AGBL1: variants seen among roughly 807,000 people sequenced by gnomAD.
AGBL1 encodes the protein cytosolic carboxypeptidase 4.
In AGBL1, 130 loss-of-function variants were observed where a neutral mutation model predicts 118.9. The observed-to-expected ratio is 1.09, with a 90% CI of 0.95 to 1.26. AGBL1 has a LOEUF of 1.26. Ranked by LOEUF, AGBL1 falls within the 50% of genes most tolerant of loss-of-function variation. The pLI is 0.00. For missense variants in AGBL1, 1,584 were observed against 1,298.1 expected, an observed-to-expected ratio of 1.22 and a Z score of -3.38; for synonymous variants, 555 against 478.9, an observed-to-expected ratio of 1.16 and a Z score of -2.08.
intron 16 of AGBL1, among the ~76,000 whole-genome samples, chr15:86,280,251 C>G (rs572635973): frequency 6.6e-6 from 1 of 152,258 alleles, no homozygotes; most frequent in South Asian, 2.1e-4. Flanking sequence ...GCCAGCATCT[C>G]CAGTGGTTCC....
At chr15:86,679,415 G>A (rs1279932469) in intron 22 of AGBL1, among the ~76,000 whole-genome samples, 1 of 151,926 alleles carries the variant, frequency 6.6e-6, no homozygotes, top group Non-Finnish European at 1.5e-5. Flanking sequence ...AAATTTCTGG[G>A]TTATTTATAT....
At chr15:86,253,115 G>A (rs1223586356) in intron 7 of AGBL1, among the ~76,000 whole-genome samples, 3 of 152,174 alleles carry the variant, frequency 2.0e-5, no homozygotes, top group African/African-American at 7.2e-5. Flanking sequence ...GGGTGAGCTT[G>A]AGAAACACAG....
intron 21 of AGBL1, among the ~76,000 whole-genome samples, chr15:86,598,923 GTGGGCTAC>G (rs1472598847): frequency 6.6e-6 from 1 of 152,156 alleles, no homozygotes; most frequent in African/African-American, 2.4e-5. Context: ...TGAGAAAGCA[GTGGGCTAC>G]TGAATGTTTT....
intron 22 of AGBL1, among the ~76,000 whole-genome samples, chr15:86,730,709 A>G (rs1384823570): frequency 6.6e-6 from 1 of 152,124 alleles, no homozygotes; most frequent in Non-Finnish European, 1.5e-5. Flanking sequence ...TTGGAAAAAA[A>G]TAAGAATGCA....
At chr15:86,086,687 A>G (rs1895678912) in intron 1 of AGBL1, among the ~76,000 whole-genome samples, 2 of 152,192 alleles carry the variant, frequency 1.3e-5, no homozygotes, top group South Asian at 4.1e-4. Context: ...TCTATGGAGT[A>G]ACCTACAGTA....
chr15:86,937,527 C>T (rs1395615111), intron 23 of AGBL1, among the ~76,000 whole-genome samples: 1 of 152,122 alleles, frequency 6.6e-6, no homozygotes, highest in Admixed American at 6.5e-5. Context: ...GGCCATTATC[C>T]TCAGCAAATT....
At chr15:86,231,539 C>T (rs80165545) in intron 6 of AGBL1, among the ~76,000 whole-genome samples, 1,594 of 152,332 alleles carry the variant, frequency 0.01, 7 homozygotes, top group South Asian at 0.027. Context: ...TGCAGGAATG[C>T]AGCATAGCAA....
chr15:86,252,605 C>T (rs1372049215), intron 7 of AGBL1, among the ~76,000 whole-genome samples: 6 of 152,188 alleles, frequency 3.9e-5, no homozygotes, highest in Non-Finnish European at 7.4e-5. Flanking sequence ...CAGAGGAGGC[C>T]CTACTTGGTC....
At chr15:86,194,783 A>C (rs181535060) in intron 5 of AGBL1, among the ~76,000 whole-genome samples, 2 of 152,330 alleles carry the variant, frequency 1.3e-5, no homozygotes, top group East Asian at 3.9e-4. Context: ...CTGAAAATTT[A>C]CACTATGGTG....
At chr15:86,938,397 T>C (rs775413808) in intron 23 of AGBL1, among the ~76,000 whole-genome samples, 21 of 152,178 alleles carry the variant, frequency 1.4e-4, no homozygotes, top group Non-Finnish European at 2.8e-4. Flanking sequence ...TTTGACCTAA[T>C]TTGGTAGAGC....
At chr15:86,595,468 C>A (rs1567075669) in intron 21 of AGBL1, among the ~76,000 whole-genome samples, 1 of 152,120 alleles carries the variant, frequency 6.6e-6, no homozygotes, top group Non-Finnish European at 1.5e-5. Flanking sequence ...ATTTCTTGCT[C>A]TCTTATATTG....
chr15:86,234,430 A>G (rs976552200), intron 6 of AGBL1, among the ~76,000 whole-genome samples: 10 of 151,810 alleles, frequency 6.6e-5, no homozygotes, highest in African/African-American at 2.4e-4. Context: ...ATGCACTTGT[A>G]GTCCCAGCTA....
rs2079302020 is a variant in AGBL1, at chr15:86,278,900, G to A, written c.2076-739G>A. On this transcript the variant is annotated intron_variant, in intron 15 of 22. Coordinates refer to ENST00000614907, the MANE Select transcript of AGBL1 (RefSeq NM_001386094.1). ...AAATTGGTTCTTCATCTTTGACAAA[G>A]GAAAATGTGCACTCTCAAGCCTTAC... is the stretch of plus-strand genomic sequence containing the variant. Among the ~76,000 whole-genome samples, 3 of 152,302 alleles carry A rather than the reference G, an allele frequency of 2.0e-5. No homozygotes were observed. The South Asian group carries it at 6.2e-4, about 32-fold the overall frequency.
intron 21 of AGBL1, among the ~76,000 whole-genome samples, chr15:86,673,705 A>G (rs900632813): frequency 1.3e-5 from 2 of 152,176 alleles, no homozygotes; most frequent in Non-Finnish European, 2.9e-5. Flanking sequence ...TTCTTCATGA[A>G]TTATACTATA....
At chr15:86,765,957 C>T (rs962068384) in intron 22 of AGBL1, among the ~76,000 whole-genome samples, 2 of 151,844 alleles carry the variant, frequency 1.3e-5, no homozygotes, top group African/African-American at 2.4e-5. Flanking sequence ...CTTAAAGTAC[C>T]TTTAGCTCTC....
chr15:86,835,955 G>T (rs748576548), intron 22 of AGBL1, among the ~76,000 whole-genome samples: 2 of 152,108 alleles, frequency 1.3e-5, no homozygotes, highest in Admixed American at 6.6e-5. Flanking sequence ...CACACAAAGT[G>T]AAGGAAAAAC....
At chr15:86,100,699 G>C (rs957843488) in intron 1 of AGBL1, among the ~76,000 whole-genome samples, 2 of 151,954 alleles carry the variant, frequency 1.3e-5, no homozygotes, top group African/African-American at 4.8e-5. Context: ...TGTGGTATCA[G>C]TTGTAATAGC....
intron 18 of AGBL1, among the ~76,000 whole-genome samples, chr15:86,479,183 C>T (rs370988816): frequency 1.3e-5 from 2 of 152,066 alleles, no homozygotes; most frequent in African/African-American, 4.8e-5. Flanking sequence ...CAAGGACTTC[C>T]TGTCTAAAAC....
chr15:86,195,524 C>G (rs1005986138), intron 5 of AGBL1, among the ~76,000 whole-genome samples: 6 of 151,990 alleles, frequency 3.9e-5, no homozygotes, highest in African/African-American at 1.4e-4. Flanking sequence ...AAAATAATGC[C>G]TAGAAAATAA....
Sources: allele counts gnomAD v4.1 joint callset (sites outside exome capture counted in the v4.1 genomes callset), GRCh38; gene constraint gnomAD v4.1.1; transcripts MANE v1.5; gene names NCBI Gene and HGNC (gene_info 2026-07-23, HGNC 2026-07-21).